Variants in SIPA1L3 observed in about 807,000 individuals in gnomAD.
SIPA1L3 encodes the protein signal induced proliferation associated 1 like 3.
A neutral mutation model predicts 150.1 loss-of-function variants in SIPA1L3; 59 were observed. The ratio of observed to expected loss-of-function variants is 0.39; its 90% CI spans 0.32 to 0.49. SIPA1L3 has a LOEUF of 0.49. SIPA1L3 is among the 20% of genes least tolerant of loss of function. The pLI is 0.86. For missense variants in SIPA1L3, 2,211 were observed against 2,489.5 expected, an observed-to-expected ratio of 0.89 and a Z score of 2.38; for synonymous variants, 1,070 against 1,077.6, an observed-to-expected ratio of 0.99 and a Z score of 0.14.
At chr19:38,000,941 A>G (rs1967784285) in intron 1 of SIPA1L3, among the ~76,000 whole-genome samples, 1 of 121,640 alleles carries the variant, frequency 8.2e-6, no homozygotes, top group Non-Finnish European at 1.7e-5. Context: ...TAACATATAT[A>G]ACATATAACA....
intron 4 of SIPA1L3, among the ~76,000 whole-genome samples, chr19:38,089,189 G>A (rs965064605): frequency 6.6e-6 from 1 of 151,772 alleles, no homozygotes; most frequent in Admixed American, 6.6e-5. Flanking sequence ...GTGGTAGCAC[G>A]CGCCTGTAAT....
At chr19:37,941,152 C>T (rs932456070) in intron 1 of SIPA1L3, among the ~76,000 whole-genome samples, 1 of 151,308 alleles carries the variant, frequency 6.6e-6, no homozygotes, top group Non-Finnish European at 1.5e-5. Flanking sequence ...CAGGGCTAGC[C>T]GTCCTCCTAG....
chr19:37,951,325 A>G (rs2046761961), intron 1 of SIPA1L3, among the ~76,000 whole-genome samples: 1 of 152,230 alleles, frequency 6.6e-6, no homozygotes, highest in Non-Finnish European at 1.5e-5. Flanking sequence ...ACAAACATGA[A>G]AATGACTACA....
At chr19:37,923,236 A>G (rs1350167204) in intron 1 of SIPA1L3, among the ~76,000 whole-genome samples, 2 of 152,100 alleles carry the variant, frequency 1.3e-5, no homozygotes, top group Non-Finnish European at 2.9e-5. Flanking sequence ...GCAGTCACGC[A>G]TGGCTTCACA....
intron 1 of SIPA1L3, among the ~76,000 whole-genome samples, chr19:37,909,756 G>A (rs2046363341): frequency 6.6e-6 from 1 of 152,076 alleles, no homozygotes; most frequent in Non-Finnish European, 1.5e-5. Context: ...TGGGAGGGTG[G>A]CCATCCTGGG....
intron 1 of SIPA1L3, among the ~76,000 whole-genome samples, chr19:37,981,669 C>G (rs976414676): frequency 6.6e-6 from 1 of 152,270 alleles, no homozygotes; most frequent in South Asian, 2.1e-4. Flanking sequence ...GCAGCGTCGC[C>G]ATCATTTCAG....
chr19:38,178,064 G>A (rs968791843), intron 15 of SIPA1L3, among the ~76,000 whole-genome samples: 2 of 150,522 alleles, frequency 1.3e-5, no homozygotes, highest in Non-Finnish European at 3.0e-5. Context: ...ATACCTGCCT[G>A]TGTGTGCTTG....
At chr19:37,989,665 C>CTTTT (rs74174502) in intron 1 of SIPA1L3, among the ~76,000 whole-genome samples, 2 of 127,606 alleles carry the variant, frequency 1.6e-5, no homozygotes, top group Non-Finnish European at 1.6e-5. Context: ...AGGATGAATT[C>CTTTT]TTTTTTTTTT....
At chr19:38,165,221 A>G (rs1972183639) in intron 15 of SIPA1L3, among the ~76,000 whole-genome samples, 1 of 152,128 alleles carries the variant, frequency 6.6e-6, no homozygotes, top group Non-Finnish European at 1.5e-5. Flanking sequence ...TATGCTTTCT[A>G]AAGGGTCACA....
At chr19:38,198,262 C>A (rs1568607073) in intron 18 of SIPA1L3, 127 bp from the exon 19 acceptor site, 2 of 1,131,744 alleles carry the variant, frequency 1.8e-6, no homozygotes, top group Admixed American at 2.9e-5. Context: ...CACTCCCAGA[C>A]CCCTTACCCT....
intron 2 of SIPA1L3, among the ~76,000 whole-genome samples, chr19:38,052,414 T>G (rs916232116): frequency 2.0e-5 from 3 of 152,072 alleles, no homozygotes; most frequent in Non-Finnish European, 4.4e-5. Context: ...CCCAGGGCAG[T>G]GTTGGGCGGA....
chr19:37,962,655 G>GCA (rs1241545020), intron 1 of SIPA1L3, among the ~76,000 whole-genome samples: 1 of 151,724 alleles, frequency 6.6e-6, no homozygotes, highest in African/African-American at 2.4e-5. Flanking sequence ...GCGAGGGTGT[G>GCA]CACACACATG....
chr19:38,141,997 T>A (rs1466341139), intron 11 of SIPA1L3, among the ~76,000 whole-genome samples: 3 of 151,956 alleles, frequency 2.0e-5, no homozygotes, highest in Non-Finnish European at 2.9e-5. Flanking sequence ...AAAATAAAAC[T>A]GTTATTTTTA....
intron 1 of SIPA1L3, among the ~76,000 whole-genome samples, chr19:37,992,023 G>T (rs1568492170): frequency 7.1e-6 from 1 of 141,798 alleles, no homozygotes; most frequent in African/African-American, 2.7e-5. Context: ...ATTCACTGAG[G>T]TCATCTTATG....
chr19:37,943,206 G>A (rs919221176), intron 1 of SIPA1L3, among the ~76,000 whole-genome samples: 3 of 151,942 alleles, frequency 2.0e-5, no homozygotes, highest in Non-Finnish European at 4.4e-5. Flanking sequence ...CACACATCTC[G>A]TCTAGCCCTC....
chr19:38,083,009 C>G lies in SIPA1L3; in HGVS notation c.1444C>G (p.Gln482Glu). ...CTCGGTGTTGGAAGTTCCCAAGGAG[C>G]AGCAGCGGACGCAGAGTCGGCCCCG... ...SISVLEVPKE[Q>E]QRTQSRPRQY... The change falls in exon 3 of 22, where the codon CAG (glutamine) becomes GAG (glutamate). Residue 482 changes from glutamine (Q) to glutamate (E), a missense_variant. Coordinates refer to ENST00000222345, the MANE Select transcript of SIPA1L3 (RefSeq NM_015073.3). The G allele has an allele frequency of 6.2e-7, 1 of 1,613,300 alleles. No individual in the cohort carries two copies. The highest frequency in any genetic ancestry group is 8.5e-7 in the Non-Finnish European group (1 of 1,180,004).
At chr19:38,174,533 T>A (rs1016183691) in intron 15 of SIPA1L3, among the ~76,000 whole-genome samples, 1 of 152,122 alleles carries the variant, frequency 6.6e-6, no homozygotes, top group Non-Finnish European at 1.5e-5. Context: ...TGAGGCTCAA[T>A]GTCCTCATCT....
intron 2 of SIPA1L3, among the ~76,000 whole-genome samples, chr19:38,033,573 A>G (rs1039153068): frequency 6.6e-6 from 1 of 152,172 alleles, no homozygotes; most frequent in African/African-American, 2.4e-5. Context: ...CTGTAGTCCC[A>G]GGAACTCGGA....
intron 2 of SIPA1L3, among the ~76,000 whole-genome samples, chr19:38,067,443 G>T (rs552456934): frequency 3.9e-5 from 6 of 152,140 alleles, no homozygotes; most frequent in Admixed American, 2.0e-4. Flanking sequence ...GCTCCTTCTG[G>T]ATGCTGGAGG....
Sources: gnomAD v4.1 joint callset for allele counts (sites outside exome capture counted in the v4.1 genomes callset) on GRCh38, gnomAD v4.1.1 for gene constraint, MANE v1.5 for transcripts, NCBI Gene and HGNC (gene_info 2026-07-23, HGNC 2026-07-21) for gene names.